CIBAR1: variants seen among roughly 807,000 people sequenced by gnomAD.
CIBAR1 encodes the protein CBY1-interacting BAR domain-containing protein 1.
Under a neutral mutation model 44.0 loss-of-function variants are expected in CIBAR1, and 25 were observed. The ratio of observed to expected loss-of-function variants is 0.57; its 90% CI spans 0.41 to 0.79. CIBAR1 has a LOEUF of 0.79. Ranked by LOEUF, CIBAR1 falls within the 30% of genes least tolerant of loss-of-function variation. The pLI, the probability that CIBAR1 is intolerant of heterozygous loss-of-function variation, is 0.00. For missense variants in CIBAR1, 278 were observed against 344.8 expected (o/e 0.81, Z 1.53); for synonymous variants, 115 against 119.0 (o/e 0.97, Z 0.22).
intron 7 of CIBAR1, 106 bp downstream of exon 7, chr8:93,718,894 C>CAAAA: frequency 1.6e-6 from 1 of 627,056 alleles, no homozygotes; most frequent in Non-Finnish European, 2.5e-6. Context: ...GACAGAGTCT[C>CAAAA]ACTCTGTTGC....
Position 93,700,668 on chromosome 8 carries a change from A to G in CIBAR1, c.21A>G (p.Glu7=). Residue 7 remains glutamate (E), a synonymous_variant, in exon 1 of 9, where the codon GAA becomes GAG. Coordinates refer to ENST00000518322, the MANE Select transcript of CIBAR1 (RefSeq NM_145269.5). The part of the protein sequence containing the change: MMRRTL[E]NRNAQTKQLQ... ...GCAGCATGATGAGGCGCACCCTGGA[A>G]AACCGGTAACAGCCCGAGCCCAGCT... 1 of 1,504,702 alleles carries G rather than the reference A, an allele frequency of 6.6e-7. No individual in the cohort carries two copies. The highest frequency in any genetic ancestry group is 8.9e-7 in the Non-Finnish European group (1 of 1,127,340). 93.2% of individuals were successfully genotyped at this position (1,504,702 alleles called of 1,614,324 possible).
intron 7 of CIBAR1, among the ~76,000 whole-genome samples, chr8:93,723,391 G>A (rs1011520944): frequency 6.6e-6 from 1 of 152,044 alleles, no homozygotes; most frequent in African/African-American, 2.4e-5. Flanking sequence ...AACCTAATTA[G>A]CACCCCTGAA....
intron 2 of CIBAR1, chr8:93,701,892 C>T: frequency 1.5e-5 from 3 of 204,358 alleles, no homozygotes; most frequent in Non-Finnish European, 2.0e-5. Flanking sequence ...TTGCTGCATC[C>T]ATGGTTTGGA....
Position 93,703,655 on chromosome 8 carries a change from G to A in CIBAR1, c.297G>A (p.Leu99=), listed in dbSNP as rs764870976. Residue 99 remains leucine, a synonymous_variant, in exon 3 of 9, where the codon TTG becomes TTA. Transcript: ENST00000518322. ...ERLEAKVVEP[L]KTYGTIVKMK... is the part of the protein sequence containing the mutation. ...TTGAAGCCAAAGTAGTTGAACCCTT[G>A]AAAACTTATGGGACCATTGTGAAAA... 6 of 1,552,446 alleles carry A rather than the reference G, an allele frequency of 3.9e-6. No individual in the cohort carries two copies. The highest frequency in any genetic ancestry group is 5.2e-6 in the Non-Finnish European group (6 of 1,147,732).
intron 7 of CIBAR1, among the ~76,000 whole-genome samples, chr8:93,724,967 A>ATC (rs1474893953): frequency 6.6e-6 from 1 of 152,148 alleles, no homozygotes; most frequent in Non-Finnish European, 1.5e-5. Flanking sequence ...AACAGTGTAG[A>ATC]TAAGATCTTT....
At chr8:93,705,195 T>A (rs767894119) in intron 4 of CIBAR1, 185 bp downstream of exon 4, 3 of 504,492 alleles carry the variant, frequency 5.9e-6, no homozygotes, top group Non-Finnish European at 1.0e-5. Flanking sequence ...CTAATTCAAA[T>A]CCCCTTATAT....
intron 5 of CIBAR1, 100 bp downstream of exon 5, chr8:93,708,116 A>G (rs1466259491): frequency 9.6e-6 from 8 of 836,072 alleles, no homozygotes; most frequent in South Asian, 2.3e-5. Context: ...CAAAAGCTAA[A>G]TGTCACAGTA....
intron 6 of CIBAR1, among the ~76,000 whole-genome samples, chr8:93,710,859 A>AAG: frequency 6.7e-6 from 1 of 150,358 alleles, no homozygotes. Context: ...AAAAGAAATT[A>AAG]AGCAGAGACA....
intron 1 of CIBAR1, 36 bp from the exon 2 acceptor site, chr8:93,701,188 G>A (rs1275812257): frequency 1.3e-6 from 2 of 1,592,200 alleles, no homozygotes; most frequent in Admixed American, 1.8e-5. Context: ...CATCTCTAAC[G>A]AGAATGTTTT....
chr8:93,720,870 A>G (rs1811237394), intron 7 of CIBAR1: 1 of 150,968 alleles, frequency 6.6e-6, no homozygotes, highest in Non-Finnish European at 1.5e-5. Context: ...ACTCCATCCA[A>G]AAAAAAAAAC....
chr8:93,700,948 G>A lies in CIBAR1; in HGVS notation c.26+275G>A, dbSNP rs938510957. 5.8e-6 allele frequency: 8 copies of A among 1,371,330 alleles called. No homozygotes were observed. In the East Asian group the frequency reaches 1.7e-4, roughly 29 times the overall value. The allele number at this position is 1,371,330 out of a possible 1,614,324, so 84.9% of individuals were successfully genotyped here. On this transcript the variant is annotated intron_variant, in intron 1 of 8. Coordinates refer to ENST00000518322, the MANE Select transcript of CIBAR1 (RefSeq NM_145269.5). ...CAGTGCGGAAGCCTAGGAGGCAGCC[G>A]GGCGCCCAGGCCGCGCTGCGCGGAG...
chr8:93,711,508 C>G (rs1282726897), intron 6 of CIBAR1, among the ~76,000 whole-genome samples: 2 of 152,168 alleles, frequency 1.3e-5, no homozygotes, highest in African/African-American at 2.4e-5. Flanking sequence ...AGAAGAACAT[C>G]TCAGGAGGCT....
chr8:93,729,273 GTTCTTAAC>G lies in CIBAR1; in HGVS notation c.*977_*984del, dbSNP rs1811691708. ...TTCTGACTTTGTCAATCATGGCTCTGTTCTTAACAAAGCACTCCTTCCTGAGAATAGTC... is the reference window on the plus strand; with the variant it reads ...TTCTGACTTTGTCAATCATGGCTCTGAAAGCACTCCTTCCTGAGAATAGTC... On this transcript the variant is annotated 3_prime_UTR_variant, in exon 9 of 9. Transcript: ENST00000518322. The G allele has an allele frequency of 6.6e-6, 1 of 152,054 alleles. No individual in the cohort carries two copies. Among genetic ancestry groups the G allele is most frequent in the East Asian group, 1.9e-4 (1 of 5,192 alleles). The allele number at this position is 152,054 out of a possible 1,614,324, so 9.4% of individuals were successfully genotyped here.
At chr8:93,723,506 CT>C (rs1432358430) in intron 7 of CIBAR1, among the ~76,000 whole-genome samples, 3 of 152,006 alleles carry the variant, frequency 2.0e-5, no homozygotes, top group African/African-American at 7.2e-5. Flanking sequence ...TTTAGGTCTC[CT>C]TTTCCCCCCC....
At chr8:93,727,385 A>G in intron 8 of CIBAR1, 1 of 375,032 alleles carries the variant, frequency 2.7e-6, no homozygotes, top group South Asian at 2.2e-5. Flanking sequence ...AATTCCATAA[A>G]TTTACTTTTA....
chr8:93,730,713 A>G lies in CIBAR1; in HGVS notation c.*2416A>G, dbSNP rs192408564. ...ATGGCCAATTTGTTATTGACATATC[A>G]CTAAAGGCAGAGTTGGAGAGAGATG... On this transcript the variant is annotated 3_prime_UTR_variant, in exon 9 of 9. Coordinates refer to ENST00000518322, the MANE Select transcript of CIBAR1 (RefSeq NM_145269.5). 2.0e-4 allele frequency: 27 copies of G among 135,696 alleles called. No homozygotes were observed. Among genetic ancestry groups the G allele is most frequent in the African/African-American group, 6.5e-4 (25 of 38,602 alleles). The allele number at this position is 135,696 out of a possible 1,614,324, so 8.4% of individuals were successfully genotyped here.
Position 93,726,379 on chromosome 8 carries a change from T to C in CIBAR1, c.658-15T>C, listed in dbSNP as rs573078601. On this transcript the variant is annotated splice_polypyrimidine_tract_variant and intron_variant, in intron 7 of 8. Coordinates refer to ENST00000518322, the MANE Select transcript of CIBAR1 (RefSeq NM_145269.5). Reference sequence around the variant, plus strand: ...TTAGCATCTACTTTATAATGCTATTTTATCATTACAATAGGTTTTCCGAAA... The same window carrying C: ...TTAGCATCTACTTTATAATGCTATTCTATCATTACAATAGGTTTTCCGAAA... 2.5e-6 allele frequency: 4 copies of C among 1,605,830 alleles called. No homozygotes were observed. In the South Asian group the frequency reaches 3.3e-5, roughly 13 times the overall value.
At position 93,728,472 on chromosome 8, in the gene CIBAR1, C is replaced by A; in HGVS notation, c.*175C>A. Reference sequence around the variant, plus strand: ...TGAAGGCTTTAAAAAATATTGCATACCAGTCATTTCAACATCCTACCTAGT... The same window carrying A: ...TGAAGGCTTTAAAAAATATTGCATAACAGTCATTTCAACATCCTACCTAGT... On this transcript the variant is annotated 3_prime_UTR_variant, in exon 9 of 9. Transcript: ENST00000518322. 1 of 473,450 alleles carries A rather than the reference C, an allele frequency of 2.1e-6. No homozygotes were observed. Among genetic ancestry groups the A allele is most frequent in the Non-Finnish European group, 3.8e-6 (1 of 266,468 alleles). The allele number at this position is 473,450 out of a possible 1,614,324, so 29.3% of individuals were successfully genotyped here. A position where few individuals can be genotyped will look rare whatever the true frequency, so the allele number is the denominator to read the frequency against.
chr8:93,719,673 G>A (rs577113040), intron 7 of CIBAR1: 1 of 152,296 alleles, frequency 6.6e-6, no homozygotes, highest in East Asian at 1.9e-4. Context: ...TATGCTGATG[G>A]TTTTAGTTAA....
Sources: allele counts gnomAD v4.1 joint callset (sites outside exome capture counted in the v4.1 genomes callset), GRCh38; gene constraint gnomAD v4.1.1; transcripts MANE v1.5; gene names NCBI Gene and HGNC (gene_info 2026-07-23, HGNC 2026-07-21).